FRMD4A: variants seen among roughly 807,000 people sequenced by gnomAD.
The protein encoded by FRMD4A is FERM domain-containing protein 4A.
A neutral mutation model predicts 129.1 loss-of-function variants in FRMD4A; 29 were observed. The ratio of observed to expected loss-of-function variants is 0.22; its 90% CI spans 0.17 to 0.31. FRMD4A has a LOEUF of 0.31. Among genes scored for constraint, FRMD4A ranks in the 10% least tolerant of loss-of-function variants. The probability of loss-of-function intolerance (pLI) is 1.00; values close to 1 mark genes in which losing one functional copy is unlikely to be tolerated. For missense variants in FRMD4A, 1,272 were observed against 1,375.8 expected (o/e 0.92, Z 1.19); for synonymous variants, 634 against 571.6 (o/e 1.11, Z -1.56).
intron 2 of FRMD4A, among the ~76,000 whole-genome samples, chr10:13,943,397 C>T (rs1588458165): frequency 2.0e-5 from 3 of 152,016 alleles, no homozygotes; most frequent in South Asian, 2.1e-4. Context: ...CGCCTGTAAT[C>T]CCAGTACTTT....
chr10:13,997,391 A>T (rs376919877), intron 2 of FRMD4A, among the ~76,000 whole-genome samples: 20 of 152,068 alleles, frequency 1.3e-4, no homozygotes, highest in Non-Finnish European at 2.1e-4. Flanking sequence ...AAATTGTTCT[A>T]AGAGTTTCTC....
chr10:13,657,496 A>G lies in FRMD4A; in HGVS notation c.2093T>C (p.Leu698Pro). 1 of 1,587,378 alleles carries G rather than the reference A, an allele frequency of 6.3e-7. No individual in the cohort carries two copies. The highest frequency in any genetic ancestry group is 1.1e-5 in the South Asian group (1 of 90,188). Residue 698 changes from leucine (L) to proline (P), a missense_variant, in exon 22 of 25, where the codon CTG becomes CCG. By Grantham distance (98) the Leu-to-Pro change is moderately conservative (BLOSUM62 -3). Transcript: ENST00000357447. ...TRSVDISPTRLHSLALHFRHR... is the reference protein window; with the variant it reads ...TRSVDISPTRPHSLALHFRHR... ...CCTAAAGTGCAGTGCGAGGCTGTGC[A>G]GTCGGGTGGGGCTGATGTCCACCGA...
At chr10:14,044,142 T>C (rs1258446932) in intron 2 of FRMD4A, among the ~76,000 whole-genome samples, 1 of 152,230 alleles carries the variant, frequency 6.6e-6, no homozygotes, top group Non-Finnish European at 1.5e-5. Flanking sequence ...TGGGTCATCT[T>C]TAACGTCTCT....
intron 2 of FRMD4A, among the ~76,000 whole-genome samples, chr10:14,238,031 T>C (rs74456394): frequency 6.6e-6 from 1 of 152,176 alleles, no homozygotes; most frequent in Non-Finnish European, 1.5e-5. Flanking sequence ...AGTGTCTCTG[T>C]TGGGACAGGC....
intron 2 of FRMD4A, among the ~76,000 whole-genome samples, chr10:14,112,739 C>T (rs183672902): frequency 2.0e-5 from 3 of 152,142 alleles, no homozygotes; most frequent in Non-Finnish European, 2.9e-5. Flanking sequence ...TTGGCCAGGC[C>T]GGTCTTGAAC....
intron 2 of FRMD4A, among the ~76,000 whole-genome samples, chr10:14,253,969 C>T (rs1455154151): frequency 1.3e-5 from 2 of 152,274 alleles, no homozygotes; most frequent in East Asian, 3.9e-4. Context: ...GCTTGCAGTT[C>T]CCCTCTGCAG....
chr10:13,937,520 T>C (rs2131301377), intron 2 of FRMD4A, among the ~76,000 whole-genome samples: 1 of 152,302 alleles, frequency 6.6e-6, no homozygotes, highest in East Asian at 1.9e-4. Context: ...GGGTGCCTTT[T>C]AGGTTTAGAC....
At chr10:14,102,802 C>G (rs911380475) in intron 2 of FRMD4A, among the ~76,000 whole-genome samples, 1 of 149,814 alleles carries the variant, frequency 6.7e-6, no homozygotes, top group Non-Finnish European at 1.5e-5. Flanking sequence ...AAATGAATTG[C>G]GAAGAGAAGG....
chr10:13,791,746 A>G (rs1015760857), intron 5 of FRMD4A, among the ~76,000 whole-genome samples: 1 of 152,186 alleles, frequency 6.6e-6, no homozygotes, highest in Non-Finnish European at 1.5e-5. Flanking sequence ...GAAACAGCCC[A>G]GGAGGAGCAG....
intron 5 of FRMD4A, among the ~76,000 whole-genome samples, chr10:13,794,875 C>T (rs893335548): frequency 5.3e-5 from 8 of 152,184 alleles, no homozygotes; most frequent in African/African-American, 1.9e-4. Context: ...ACCTATTTAA[C>T]CTCTGCAATG....
chr10:14,248,753 A>G (rs1844333495), intron 2 of FRMD4A, among the ~76,000 whole-genome samples: 1 of 152,222 alleles, frequency 6.6e-6, no homozygotes, highest in African/African-American at 2.4e-5. Flanking sequence ...TAATTGCTAA[A>G]TGGGTTCAAT....
At chr10:13,692,139 GCTTTTTT>G (rs2085757970) in intron 15 of FRMD4A, 1 of 106,848 alleles carries the variant, frequency 9.4e-6, no homozygotes, top group East Asian at 3.3e-4. Context: ...AATTTTAGCA[GCTTTTTT>G]TTTTTTTTTT....
intron 2 of FRMD4A, among the ~76,000 whole-genome samples, chr10:13,990,358 G>A (rs4565801): frequency 0.3 from 45,722 of 152,060 alleles, 7,989 homozygotes; most frequent in East Asian, 0.73. Context: ...GGACAAGGAG[G>A]GAGGAGGAAG....
chr10:14,217,207 A>G (rs1331142070), intron 2 of FRMD4A, among the ~76,000 whole-genome samples: 1 of 152,228 alleles, frequency 6.6e-6, no homozygotes, highest in Non-Finnish European at 1.5e-5. Flanking sequence ...AATTGTCCCA[A>G]ACATCAATCC....
At chr10:14,110,174 T>C (rs1428409401) in intron 2 of FRMD4A, among the ~76,000 whole-genome samples, 1 of 149,260 alleles carries the variant, frequency 6.7e-6, no homozygotes, top group Non-Finnish European at 1.5e-5. Flanking sequence ...TTAAGTGTTT[T>C]ATCCATGAGC....
At chr10:14,055,744 C>T (rs12247392) in intron 2 of FRMD4A, among the ~76,000 whole-genome samples, 18,518 of 152,166 alleles carry the variant, frequency 0.12, 1,561 homozygotes, top group African/African-American at 0.23. Flanking sequence ...GTACATGAGA[C>T]GTTTTGATAC....
chr10:14,037,899 C>T (rs1180181085), intron 2 of FRMD4A, among the ~76,000 whole-genome samples: 2 of 152,198 alleles, frequency 1.3e-5, no homozygotes, highest in African/African-American at 4.8e-5. Flanking sequence ...AGACCAATTC[C>T]CTTTTTTAAA....
At position 13,967,950 on chromosome 10, in the gene FRMD4A, G is replaced by A. The variant is rs928798570; in HGVS notation, c.46-109038C>T. ...GGTCCCAACTACTTGGGAGGCTGAG[G>A]TGGAGGATCCCCAGAGCCCAGGAGG... On this transcript the variant is annotated intron_variant, in intron 2 of 24. Coordinates refer to ENST00000357447, the MANE Select transcript of FRMD4A (RefSeq NM_018027.5). 2.0e-5 allele frequency among the ~76,000 whole-genome samples: 3 copies of A among 152,216 alleles called. No homozygotes were observed. The East Asian group carries it at 5.8e-4, about 29-fold the overall frequency.
chr10:13,861,185 A>G (rs1836536521), intron 2 of FRMD4A, among the ~76,000 whole-genome samples: 1 of 152,140 alleles, frequency 6.6e-6, no homozygotes, highest in South Asian at 2.1e-4. Flanking sequence ...GGAGTTATGG[A>G]CTGGATTGTG....
Sources: gnomAD v4.1 joint callset for allele counts (sites outside exome capture counted in the v4.1 genomes callset) on GRCh38, gnomAD v4.1.1 for gene constraint, MANE v1.5 for transcripts, NCBI Gene and HGNC (gene_info 2026-07-23, HGNC 2026-07-21) for gene names.